The following POF1B variants were observed in gnomAD, a reference collection of about 807,000 sequenced individuals.
POF1B encodes the protein POF1B actin binding protein, also known as protein POF1B.
A neutral mutation model predicts 55.3 loss-of-function variants in POF1B; 53 were observed. The observed-to-expected ratio is 0.96, with a 90% CI of 0.77 to 1.20. POF1B has a LOEUF of 1.20. Among genes scored for constraint, POF1B ranks in the 50% most tolerant of loss-of-function variants. POF1B has a pLI of 0.00. For missense variants in POF1B, 478 were observed against 420.5 expected (o/e 1.14, Z -1.20); for synonymous variants, 188 against 148.3 (o/e 1.27, Z -1.95).
chrX:85,314,664 A>G (rs1000560377), intron 8 of POF1B, among the ~76,000 whole-genome samples, 158 bp from the exon 9 acceptor site: 22 of 112,059 alleles, frequency 2.0e-4, no homozygotes, highest in African/African-American at 6.8e-4. Context: ...TAGCCTTATC[A>G]GTTCTTATTT....
chrX:85,315,782 C>T (rs764298339), intron 7 of POF1B, 48 bp from the exon 8 acceptor site: 1 of 1,001,892 alleles, frequency 1.0e-6, no homozygotes, highest in South Asian at 2.5e-5. Context: ...AAGGTATTCA[C>T]TGATCATATA....
At chrX:85,288,886 G>C (rs745483070) in intron 15 of POF1B, among the ~76,000 whole-genome samples, 4 of 111,798 alleles carry the variant, frequency 3.6e-5, no homozygotes, top group Non-Finnish European at 7.5e-5. Flanking sequence ...TTTATCAGCA[G>C]CGTGAAAACA....
chrX:85,371,882 G>A (rs1158478725), intron 2 of POF1B, among the ~76,000 whole-genome samples: 1 of 111,616 alleles, frequency 9.0e-6, no homozygotes, highest in Non-Finnish European at 1.9e-5. Flanking sequence ...ATAAACCATT[G>A]AATTTTTGTT....
At chrX:85,324,617 G>C (rs1429107063) in intron 7 of POF1B, among the ~76,000 whole-genome samples, 1 of 111,171 alleles carries the variant, frequency 9.0e-6, no homozygotes, top group African/African-American at 3.3e-5. Context: ...TATGTCACAT[G>C]AGTCTCTTGA....
intron 6 of POF1B, 115 bp from the exon 7 acceptor site, chrX:85,331,194 C>A: frequency 1.3e-6 from 1 of 756,131 alleles, no homozygotes; most frequent in Non-Finnish European, 1.8e-6. Context: ...TAAATCAAGC[C>A]ATTTTTTTCA....
At chrX:85,280,375 T>G (rs1238430132) in intron 16 of POF1B, among the ~76,000 whole-genome samples, 1 of 111,340 alleles carries the variant, frequency 9.0e-6, no homozygotes, top group Non-Finnish European at 1.9e-5. Context: ...CACGGTACAC[T>G]TAAGCATTTT....
At chrX:85,329,623 G>A (rs1402363284) in intron 7 of POF1B, among the ~76,000 whole-genome samples, 1 of 105,472 alleles carries the variant, frequency 9.5e-6, no homozygotes, top group East Asian at 2.9e-4. Flanking sequence ...TGAAGGAGGT[G>A]GTGGTCGTTT....
chrX:85,377,241 G>C lies in POF1B; in HGVS notation c.282+1932C>G, dbSNP rs1316463211. Among the ~76,000 whole-genome samples, 4 of 111,332 alleles carry C rather than the reference G, an allele frequency of 3.6e-5. No individual in the cohort carries two copies. The Admixed American group carries it at 3.8e-4, about 11-fold the overall frequency. On this transcript the variant is annotated intron_variant, in intron 2 of 16. Coordinates refer to ENST00000262753, the MANE Select transcript of POF1B (RefSeq NM_024921.4). ...TAAAGGTAATTTCAGATCAAATCTA[G>C]GTCCTACTTTACATGATGCCACAAT...
At chrX:85,346,268 T>G (rs1000435415) in intron 5 of POF1B, among the ~76,000 whole-genome samples, 3 of 110,161 alleles carry the variant, frequency 2.7e-5, no homozygotes, top group Non-Finnish European at 3.8e-5. Flanking sequence ...CGAATACTTA[T>G]GTAGATTGGC....
chrX:85,324,476 T>C (rs1362918095), intron 7 of POF1B, among the ~76,000 whole-genome samples: 1 of 111,727 alleles, frequency 9.0e-6, no homozygotes, highest in African/African-American at 3.3e-5. Flanking sequence ...CCCTTTGTCT[T>C]ATTTGATTTT....
intron 4 of POF1B, among the ~76,000 whole-genome samples, chrX:85,356,268 T>C (rs753556845): frequency 2.9e-5 from 3 of 103,591 alleles, no homozygotes; most frequent in African/African-American, 7.1e-5. Context: ...ATGAGAACGC[T>C]TGGACACAAG....
intron 15 of POF1B, among the ~76,000 whole-genome samples, chrX:85,285,688 T>C (rs1270822878): frequency 9.5e-6 from 1 of 105,274 alleles, no homozygotes. Flanking sequence ...CATTAGGAGA[T>C]ATACCTAATA....
intron 7 of POF1B, among the ~76,000 whole-genome samples, chrX:85,328,527 A>G (rs914650895): frequency 9.0e-6 from 1 of 111,041 alleles, no homozygotes; most frequent in African/African-American, 3.3e-5. Flanking sequence ...GATATTACAC[A>G]TCTAGTGTTG....
intron 4 of POF1B, among the ~76,000 whole-genome samples, chrX:85,357,512 T>G (rs1933524996): frequency 9.0e-6 from 1 of 111,139 alleles, no homozygotes; most frequent in African/African-American, 3.3e-5. Context: ...TTTGCCTCCA[T>G]AAGTATACCA....
chrX:85,314,530 A>G, intron 8 of POF1B, 24 bp from the exon 9 acceptor site: 2 of 1,099,363 alleles, frequency 1.8e-6, no homozygotes, highest in Non-Finnish European at 2.5e-6. Context: ...AGGCTTATCC[A>G]TGGAACAGAT....
chrX:85,310,602 G>T (rs1932674948), intron 9 of POF1B, among the ~76,000 whole-genome samples: 1 of 112,064 alleles, frequency 8.9e-6, no homozygotes, highest in South Asian at 3.6e-4. Context: ...GTTTGTGGGT[G>T]TACACCACAT....
intron 7 of POF1B, among the ~76,000 whole-genome samples, chrX:85,323,487 C>T (rs1198681952): frequency 9.3e-6 from 1 of 107,868 alleles, no homozygotes; most frequent in Non-Finnish European, 1.9e-5. Flanking sequence ...GGAGATATAC[C>T]TAATGCTAAA....
chrX:85,322,550 T>C (rs769752161), intron 7 of POF1B, among the ~76,000 whole-genome samples: 1 of 111,859 alleles, frequency 8.9e-6, no homozygotes, highest in South Asian at 3.8e-4. Flanking sequence ...ACTTCATGTC[T>C]AAAACACCAA....
intron 3 of POF1B, among the ~76,000 whole-genome samples, chrX:85,362,600 C>T (rs749984896): frequency 2.7e-5 from 3 of 111,470 alleles, no homozygotes; most frequent in South Asian, 3.8e-4. Context: ...ACCTATCTGA[C>T]GGTGGTGGAT....
Sources: allele counts gnomAD v4.1 joint callset (sites outside exome capture counted in the v4.1 genomes callset), GRCh38; gene constraint gnomAD v4.1.1; transcripts MANE v1.5; gene names NCBI Gene and HGNC (gene_info 2026-07-23, HGNC 2026-07-21).